The following FAM13C variants were observed in gnomAD, a reference collection of about 807,000 sequenced individuals.
FAM13C encodes protein FAM13C.
Under a neutral mutation model 73.2 loss-of-function variants are expected in FAM13C, and 37 were observed. The ratio of observed to expected loss-of-function variants is 0.51; its 90% confidence interval spans 0.39 to 0.67. FAM13C has a LOEUF of 0.67. Ranked by LOEUF, FAM13C falls within the 30% of genes least tolerant of loss-of-function variation. The probability of loss-of-function intolerance (pLI) is 0.00; values close to 1 mark genes in which losing one functional copy is unlikely to be tolerated. For synonymous variants in FAM13C, 246 were observed against 260.9 expected (o/e 0.94, Z 0.55); for missense variants, 589 against 715.6 (o/e 0.82, Z 2.02).
chr10:59,361,079 C>CT (rs1354557077), intron 1 of FAM13C: 3 of 1,289,262 alleles, frequency 2.3e-6, no homozygotes, highest in Non-Finnish European at 3.0e-6. Context: ...CAGATGCACA[C>CT]TTTGGCACAC....
chr10:59,326,452 T>C (rs1459885582), intron 3 of FAM13C, among the ~76,000 whole-genome samples: 1 of 152,132 alleles, frequency 6.6e-6, no homozygotes, highest in Non-Finnish European at 1.5e-5. Context: ...ATGTGATAGG[T>C]ATGTGTGATT....
At position 59,287,295 on chromosome 10, in the gene FAM13C, C is replaced by A. The variant is rs184912574; in HGVS notation, c.508-3848G>T. ...GAGGTTGCAGTGAGTGGAGATCATG[C>A]CACTGCACTCTAGCCTGGGTGACAG... On this transcript the variant is annotated intron_variant, in intron 5 of 13. Coordinates refer to ENST00000618804, the MANE Select transcript of FAM13C (RefSeq NM_198215.4). Among the ~76,000 whole-genome samples, 462 of 114,848 alleles carry A rather than the reference C, an allele frequency of 4.0e-3. 2 individuals are homozygous for A. Among genetic ancestry groups the A allele is most frequent in the African/African-American group, 0.014 (421 of 29,694 alleles). The allele number at this position is 114,848 out of a possible 152,430, so 75.3% of individuals were successfully genotyped here. A position where few individuals can be genotyped will look rare whatever the true frequency, so the allele number is the denominator to read the frequency against.
chr10:59,285,740 A>G (rs900775742), intron 5 of FAM13C, among the ~76,000 whole-genome samples: 4 of 152,198 alleles, frequency 2.6e-5, no homozygotes, highest in South Asian at 2.1e-4. Context: ...CTAAGCCCCA[A>G]TGATACTGTA....
intron 13 of FAM13C, chr10:59,251,279 G>C: frequency 2.4e-6 from 1 of 409,132 alleles, no homozygotes. Flanking sequence ...TTTTTTAAAG[G>C]TTTAAATAAA....
At chr10:59,338,174 T>C (rs576078920) in intron 3 of FAM13C, among the ~76,000 whole-genome samples, 2 of 152,300 alleles carry the variant, frequency 1.3e-5, no homozygotes, top group East Asian at 3.9e-4. Flanking sequence ...TTTTTCAGAT[T>C]GTTAACCTTA....
At chr10:59,283,260 C>T in intron 6 of FAM13C, 103 bp downstream of exon 6, 1 of 1,231,424 alleles carries the variant, frequency 8.1e-7, no homozygotes, top group Non-Finnish European at 1.2e-6. Flanking sequence ...CATGTTGCCC[C>T]AGGCACTGTT....
intron 3 of FAM13C, among the ~76,000 whole-genome samples, chr10:59,343,247 T>C (rs921495621): frequency 1.3e-5 from 2 of 152,256 alleles, no homozygotes; most frequent in African/African-American, 4.8e-5. Flanking sequence ...GGTGTTTCAC[T>C]GAAGGGATGC....
At chr10:59,254,104 T>C (rs1841688449) in intron 11 of FAM13C, 1 of 391,296 alleles carries the variant, frequency 2.6e-6, no homozygotes, top group Non-Finnish European at 4.5e-6. Flanking sequence ...AAAGCAAATG[T>C]TAAAATTGGC....
Position 59,324,068 on chromosome 10 carries a change from C to T in FAM13C, c.363G>A (p.Gln121=), listed in dbSNP as rs1435685432. Residue 121 remains glutamine (Q), a synonymous_variant, in exon 4 of 14, where the codon CAG becomes CAA. Coordinates refer to ENST00000618804, the MANE Select transcript of FAM13C (RefSeq NM_198215.4). ...EHVVSSQSEC[Q]VRAGTPAHES... ...CATGAGCTGGTGTTCCTGCTCTCAC[C>T]TGACACTCTGACTGGCTGGATACCA... 1 of 1,614,040 alleles carries T rather than the reference C, an allele frequency of 6.2e-7. No individual in the cohort carries two copies. Among genetic ancestry groups the T allele is most frequent in the South Asian group, 1.1e-5 (1 of 91,072 alleles).
chr10:59,311,842 G>C (rs745481435), intron 4 of FAM13C, among the ~76,000 whole-genome samples: 42 of 152,254 alleles, frequency 2.8e-4, no homozygotes, highest in Non-Finnish European at 4.9e-4. Flanking sequence ...GTTGCTCAGA[G>C]TGGCAACCTA....
intron 1 of FAM13C, among the ~76,000 whole-genome samples, chr10:59,358,399 A>G (rs1384473979): frequency 6.6e-6 from 1 of 152,162 alleles, no homozygotes; most frequent in East Asian, 1.9e-4. Flanking sequence ...TGCTGCTTTG[A>G]CTAGAATAAA....
chr10:59,350,073 T>C (rs1854830976), intron 3 of FAM13C, among the ~76,000 whole-genome samples: 2 of 152,190 alleles, frequency 1.3e-5, no homozygotes, highest in South Asian at 2.1e-4. Context: ...TTATCCCCAA[T>C]ATAATTGGAA....
At chr10:59,290,128 C>T (rs1348618108) in intron 5 of FAM13C, among the ~76,000 whole-genome samples, 1 of 152,144 alleles carries the variant, frequency 6.6e-6, no homozygotes, top group Non-Finnish European at 1.5e-5. Context: ...GGAGAATATG[C>T]TACTTGTTTT....
Position 59,262,106 on chromosome 10 carries a change from G to A in FAM13C, c.1236+328C>T, listed in dbSNP as rs113211049. On this transcript the variant is annotated intron_variant, in intron 10 of 13. Coordinates refer to ENST00000618804, the MANE Select transcript of FAM13C (RefSeq NM_198215.4). ...CTGTAATTGGAGTCCTTTCCTTTTA[G>A]GCACTATGCCTATTTCCTAGTCTTG... Among the ~76,000 whole-genome samples the A allele has an allele frequency of 6.0e-3, 920 of 152,184 alleles. 14 individuals carry two copies. Among genetic ancestry groups the A allele is most frequent in the Middle Eastern group, 6.8e-3 (2 of 294 alleles).
intron 6 of FAM13C, among the ~76,000 whole-genome samples, chr10:59,275,621 A>G (rs1352268676): frequency 2.0e-5 from 3 of 152,202 alleles, no homozygotes; most frequent in South Asian, 4.1e-4. Flanking sequence ...GTTCTGAAAA[A>G]TAAAGTCTAT....
chr10:59,248,585 T>C (rs879476641), intron 13 of FAM13C, among the ~76,000 whole-genome samples: 4 of 152,186 alleles, frequency 2.6e-5, no homozygotes, highest in Admixed American at 6.5e-5. Context: ...TTTGAAAACA[T>C]TTCCACCCAC....
intron 3 of FAM13C, among the ~76,000 whole-genome samples, chr10:59,351,667 T>A (rs1453182283): frequency 6.6e-6 from 1 of 152,134 alleles, no homozygotes; most frequent in Non-Finnish European, 1.5e-5. Context: ...TCCTCCTCCA[T>A]CTTCCCCGCA....
chr10:59,342,690 T>A (rs1383956718), intron 3 of FAM13C, among the ~76,000 whole-genome samples: 1 of 152,206 alleles, frequency 6.6e-6, no homozygotes, highest in Non-Finnish European at 1.5e-5. Flanking sequence ...TTGAAAACTA[T>A]GGGGTCCGAA....
intron 7 of FAM13C, 131 bp downstream of exon 7, chr10:59,269,768 T>G (rs1289479096): frequency 3.7e-6 from 4 of 1,088,906 alleles, no homozygotes; most frequent in Non-Finnish European, 5.3e-6. Context: ...TTTTGTCATT[T>G]ATTGTTCCAG....
Sources: gnomAD v4.1 joint callset for allele counts (sites outside exome capture counted in the v4.1 genomes callset) on GRCh38, gnomAD v4.1.1 for gene constraint, MANE v1.5 for transcripts, NCBI Gene and HGNC (gene_info 2026-07-23, HGNC 2026-07-21) for gene names.